ZFAT: variants seen among roughly 807,000 people sequenced by gnomAD.
ZFAT encodes the protein zinc finger and AT-hook domain containing.
A neutral mutation model predicts 117.7 loss-of-function variants in ZFAT; 64 were observed. The observed-to-expected ratio is 0.54, with a 90% CI of 0.44 to 0.67. ZFAT has a LOEUF of 0.67. Ranked by LOEUF, ZFAT falls within the 30% of genes least tolerant of loss-of-function variation. The pLI is 0.00. For missense variants in ZFAT, 1,433 were observed against 1,584.5 expected (o/e 0.90, Z 1.62); for synonymous variants, 679 against 615.0 (o/e 1.10, Z -1.54).
At chr8:134,539,204 T>C (rs889806625) in intron 11 of ZFAT, among the ~76,000 whole-genome samples, 5 of 152,186 alleles carry the variant, frequency 3.3e-5, no homozygotes, top group African/African-American at 1.2e-4. Flanking sequence ...AGAGGAATGT[T>C]TGAAAGCAGA....
At chr8:134,496,831 G>A (rs1173254761) in intron 15 of ZFAT, among the ~76,000 whole-genome samples, 2 of 152,206 alleles carry the variant, frequency 1.3e-5, no homozygotes, top group Non-Finnish European at 2.9e-5. Flanking sequence ...ACCACTGCCT[G>A]GAGAGGGAGG....
intron 2 of ZFAT, among the ~76,000 whole-genome samples, chr8:134,651,579 T>C (rs1466337322): frequency 6.6e-6 from 1 of 152,034 alleles, no homozygotes; most frequent in Non-Finnish European, 1.5e-5. Flanking sequence ...AGGTAAAAAA[T>C]AGTGAACTGG....
At chr8:134,804,907 T>C in the ZFAT span, 3 of 534,454 alleles carry the variant, frequency 5.6e-6, no homozygotes, top group Admixed American at 1.9e-5. Context: ...AAAGCTTAGC[T>C]GTGTCTTACA....
intron 3 of ZFAT, among the ~76,000 whole-genome samples, chr8:134,623,036 T>C (rs1157491940): frequency 6.6e-6 from 1 of 152,178 alleles, no homozygotes; most frequent in Non-Finnish European, 1.5e-5. Context: ...CTGCCTCCTG[T>C]TGGTACCCTG....
chr8:134,750,168 A>C, the ZFAT span, among the ~76,000 whole-genome samples: 1 of 152,290 alleles, frequency 6.6e-6, no homozygotes, highest in African/African-American at 2.4e-5. Context: ...AGTAAGTTTT[A>C]ATTTTTCACC....
intron 1 of ZFAT, among the ~76,000 whole-genome samples, chr8:134,669,165 T>C (rs1017139440): frequency 7.2e-5 from 11 of 152,120 alleles, no homozygotes; most frequent in Admixed American, 2.6e-4. Flanking sequence ...GGAACCAAGG[T>C]GGAAAACACT....
At chr8:134,544,831 G>T (rs1358914188) in intron 11 of ZFAT, among the ~76,000 whole-genome samples, 1 of 152,142 alleles carries the variant, frequency 6.6e-6, no homozygotes, top group Admixed American at 6.5e-5. Flanking sequence ...CCAAGATATG[G>T]ACCAAGAGAG....
upstream of ZFAT, among the ~76,000 whole-genome samples, chr8:134,713,584 C>G (rs1360906687): frequency 6.6e-6 from 1 of 152,130 alleles, no homozygotes; most frequent in Non-Finnish European, 1.5e-5. Flanking sequence ...CGACTTCCTC[C>G]TCTCTCGTCT....
In ZFAT at chr8:134,619,397, G is replaced by A. The variant is rs559859857; in HGVS notation, c.449-8742C>T. Among the ~76,000 whole-genome samples the A allele has an allele frequency of 1.6e-4, 25 of 152,238 alleles. 1 individual carries two copies. The highest frequency in any genetic ancestry group is 1.0e-3 in the South Asian group (5 of 4,816). On this transcript the variant is annotated intron_variant, in intron 3 of 15. Transcript: ENST00000377838. ...CCGTAAGTCCACCCATTGCAGTTGC[G>A]GACCACCAGCAACTGTGGTCTAGTG...
chr8:134,792,017 G>A, the ZFAT span: 1 of 152,200 alleles, frequency 6.6e-6, no homozygotes, highest in African/African-American at 2.4e-5. Context: ...CAAACTCAGA[G>A]TTGGAAGAAA....
chr8:134,700,943 T>G (rs1833993294), intron 1 of ZFAT, among the ~76,000 whole-genome samples: 1 of 152,190 alleles, frequency 6.6e-6, no homozygotes, highest in Admixed American at 6.5e-5. Flanking sequence ...CAGTCCCAAG[T>G]GCCCACACCA....
At chr8:134,723,977 T>C in the ZFAT span, 2 of 152,316 alleles carry the variant, frequency 1.3e-5, no homozygotes, top group Non-Finnish European at 2.9e-5. Context: ...TCTTTCATTA[T>C]GCTGCCTCAA....
intron 10 of ZFAT, among the ~76,000 whole-genome samples, chr8:134,576,896 G>A (rs1282780260): frequency 1.3e-5 from 2 of 152,054 alleles, no homozygotes; most frequent in Non-Finnish European, 2.9e-5. Context: ...AAATGTACAG[G>A]GGCAGTTTGG....
At chr8:134,540,854 A>G (rs1384691388) in intron 11 of ZFAT, among the ~76,000 whole-genome samples, 1 of 152,214 alleles carries the variant, frequency 6.6e-6, no homozygotes, top group East Asian at 1.9e-4. Flanking sequence ...CTAACCATCA[A>G]TTTAGTTAAA....
chr8:134,480,332 A>T (rs1817211454), intron 15 of ZFAT, among the ~76,000 whole-genome samples: 1 of 152,058 alleles, frequency 6.6e-6, no homozygotes, highest in African/African-American at 2.4e-5. Flanking sequence ...TCATTCTTTC[A>T]CTCTACAGAA....
chr8:134,799,475 A>G, the ZFAT span, among the ~76,000 whole-genome samples: 10,612 of 152,302 alleles, frequency 0.07, 487 homozygotes, highest in African/African-American at 0.13. Flanking sequence ...TATTTTAAGT[A>G]AAGACATGAA....
chr8:134,499,405 C>T (rs1406871460), intron 15 of ZFAT, among the ~76,000 whole-genome samples: 23 of 144,012 alleles, frequency 1.6e-4, no homozygotes, highest in Non-Finnish European at 2.7e-4. Flanking sequence ...GGGATGCCCC[C>T]GTTGCTGGTT....
At chr8:134,829,363 C>T in the ZFAT span, among the ~76,000 whole-genome samples, 6 of 152,198 alleles carry the variant, frequency 3.9e-5, no homozygotes, top group Non-Finnish European at 4.4e-5. Flanking sequence ...AGATTGGACA[C>T]CGCTGCCTTA....
the ZFAT span, among the ~76,000 whole-genome samples, chr8:134,730,349 T>G: frequency 8.9e-4 from 135 of 152,342 alleles, no homozygotes; most frequent in Non-Finnish European, 1.4e-3. Flanking sequence ...CTTTTAAAGG[T>G]GCACGTGGCA....
Sources: allele counts gnomAD v4.1 joint callset (sites outside exome capture counted in the v4.1 genomes callset), GRCh38; gene constraint gnomAD v4.1.1; transcripts MANE v1.5; gene names NCBI Gene and HGNC (gene_info 2026-07-23, HGNC 2026-07-21).